Variants in GPR158 observed in about 807,000 individuals in gnomAD.
GPR158 encodes G protein-coupled receptor 158, also known as metabotropic glycine receptor.
GPR158 carries 30 observed loss-of-function variants against 78.2 expected under a neutral mutation model. That is an observed-to-expected ratio of 0.38 (90% CI 0.29 to 0.52). The LOEUF is 0.52. GPR158 is among the 20% of genes least tolerant of loss of function. GPR158 has a pLI of 0.83. For missense variants in GPR158, 1,463 were observed against 1,523.5 expected (o/e 0.96, Z 0.66); for synonymous variants, 581 against 591.1 (o/e 0.98, Z 0.25).
Position 25,596,752 on chromosome 10 carries a change from C to A in GPR158, c.2108C>A (p.Ala703Asp). 1 of 1,613,738 alleles carries A rather than the reference C, an allele frequency of 6.2e-7. No individual in the cohort carries two copies. The highest frequency in any genetic ancestry group is 8.5e-7 in the Non-Finnish European group (1 of 1,179,730). The change falls in exon 10 of 11, where the codon GCC (alanine) becomes GAC (aspartate). Residue 703 changes from alanine to aspartate, a missense_variant. Physicochemically the swap from Ala to Asp is moderately radical, Grantham distance 126. Transcript: ENST00000376351. ...TACCTGAACAGCAGTATCAATTCAG[C>A]CTGGAGTGAGCACAGCTTGGATCCA... ...GSYLNSSINS[A>D]WSEHSLDPED...
intron 2 of GPR158, among the ~76,000 whole-genome samples, chr10:25,326,556 A>G (rs1321116691): frequency 6.6e-6 from 1 of 152,130 alleles, no homozygotes; most frequent in Non-Finnish European, 1.5e-5. Context: ...GTCTTTAAAT[A>G]CTTGAACTCA....
intron 2 of GPR158, among the ~76,000 whole-genome samples, chr10:25,316,901 G>A (rs1208382123): frequency 8.1e-5 from 9 of 111,076 alleles, no homozygotes; most frequent in African/African-American, 3.5e-4. Flanking sequence ...GTGTGTGTGT[G>A]TGTGTGTGTT....
chr10:25,234,865 A>G (rs1185481999), intron 2 of GPR158, among the ~76,000 whole-genome samples: 3 of 152,246 alleles, frequency 2.0e-5, no homozygotes, highest in Non-Finnish European at 4.4e-5. Context: ...TGAATTCAGT[A>G]AGCATCATTT....
chr10:25,354,826 A>G (rs1406589392), intron 2 of GPR158, among the ~76,000 whole-genome samples: 2 of 152,084 alleles, frequency 1.3e-5, no homozygotes, highest in Non-Finnish European at 1.5e-5. Flanking sequence ...GCTTTGCAAA[A>G]TACAGTATTC....
intron 2 of GPR158, among the ~76,000 whole-genome samples, chr10:25,327,364 C>A (rs937476477): frequency 6.6e-6 from 1 of 152,122 alleles, no homozygotes. Context: ...TTTCTGTGGC[C>A]TTAACAATTT....
chr10:25,372,625 G>A (rs376574535), intron 2 of GPR158, among the ~76,000 whole-genome samples: 26 of 144,054 alleles, frequency 1.8e-4, no homozygotes, highest in African/African-American at 6.2e-4. Flanking sequence ...ACCAAACACC[G>A]CATATTCTCA....
At chr10:25,248,079 T>G (rs533760342) in intron 2 of GPR158, among the ~76,000 whole-genome samples, 69 of 152,180 alleles carry the variant, frequency 4.5e-4, no homozygotes, top group African/African-American at 1.7e-3. Context: ...ATGATGAGCA[T>G]TTTTTCATGT....
At chr10:25,588,917 T>G (rs1837304473) in intron 7 of GPR158, 90 bp from the exon 8 acceptor site, 1 of 829,266 alleles carries the variant, frequency 1.2e-6, no homozygotes, top group African/African-American at 1.7e-5. Flanking sequence ...TATAAAAAAC[T>G]TATGTTGAAT....
intron 5 of GPR158, among the ~76,000 whole-genome samples, chr10:25,521,107 G>C (rs182098524): frequency 6.6e-6 from 1 of 152,228 alleles, no homozygotes; most frequent in African/African-American, 2.4e-5. Context: ...CGCAGTATTC[G>C]GGCGGGAGTG....
chr10:25,454,053 A>G (rs868144467), intron 4 of GPR158, among the ~76,000 whole-genome samples: 3 of 152,120 alleles, frequency 2.0e-5, no homozygotes, highest in Admixed American at 6.6e-5. Flanking sequence ...AAATTTTTCA[A>G]TTCATTAACA....
intron 6 of GPR158, among the ~76,000 whole-genome samples, chr10:25,554,287 C>T (rs1836760892): frequency 6.6e-6 from 1 of 152,128 alleles, no homozygotes; most frequent in Admixed American, 6.6e-5. Context: ...AGAAAATTCT[C>T]AGGAAATTAT....
chr10:25,319,685 T>G (rs1480259185), intron 2 of GPR158, among the ~76,000 whole-genome samples: 1 of 152,174 alleles, frequency 6.6e-6, no homozygotes, highest in Non-Finnish European at 1.5e-5. Context: ...TTGAGAAATT[T>G]TTTCTTCTAA....
intron 4 of GPR158, among the ~76,000 whole-genome samples, chr10:25,434,015 C>T (rs1397633818): frequency 6.6e-6 from 1 of 151,938 alleles, no homozygotes; most frequent in African/African-American, 2.4e-5. Context: ...AAAAATTAGC[C>T]GTGCATGGTG....
intron 2 of GPR158, among the ~76,000 whole-genome samples, chr10:25,320,179 T>C (rs1313804449): frequency 6.6e-6 from 1 of 152,234 alleles, no homozygotes; most frequent in Non-Finnish European, 1.5e-5. Context: ...GGCCTTCTTT[T>C]CTTGTAGCTG....
chr10:25,541,365 A>AT (rs1005252976), intron 5 of GPR158, among the ~76,000 whole-genome samples: 32 of 151,552 alleles, frequency 2.1e-4, no homozygotes, highest in Admixed American at 1.3e-3. Context: ...CCAGCATATG[A>AT]TTTTTTTTCA....
intron 1 of GPR158, among the ~76,000 whole-genome samples, chr10:25,204,172 C>T (rs1324480246): frequency 1.3e-5 from 2 of 152,172 alleles, no homozygotes; most frequent in South Asian, 2.1e-4. Context: ...ATGGGGTTTT[C>T]TAAATATACA....
intron 2 of GPR158, among the ~76,000 whole-genome samples, chr10:25,285,894 T>C (rs1280032098): frequency 6.6e-6 from 1 of 152,184 alleles, no homozygotes; most frequent in African/African-American, 2.4e-5. Context: ...GTAATTTCAC[T>C]GGCTATAAAA....
chr10:25,367,325 A>G (rs996825248), intron 2 of GPR158, among the ~76,000 whole-genome samples: 1 of 151,368 alleles, frequency 6.6e-6, no homozygotes, highest in Non-Finnish European at 1.5e-5. Flanking sequence ...TCTAGACTCT[A>G]TTCTGAATCA....
At chr10:25,319,841 C>T (rs1270127891) in intron 2 of GPR158, among the ~76,000 whole-genome samples, 1 of 145,776 alleles carries the variant, frequency 6.9e-6, no homozygotes, top group African/African-American at 2.5e-5. Flanking sequence ...AAAAAAAAAC[C>T]CTGACCTGAT....
Sources: gnomAD v4.1 joint callset for allele counts (sites outside exome capture counted in the v4.1 genomes callset) on GRCh38, gnomAD v4.1.1 for gene constraint, MANE v1.5 for transcripts, NCBI Gene and HGNC (gene_info 2026-07-23, HGNC 2026-07-21) for gene names.